The following NFKBID variants were observed in gnomAD, a reference collection of about 807,000 sequenced individuals.
NFKBID encodes the protein NFKB inhibitor delta, also known as NF-kappa-B inhibitor delta.
In NFKBID, 26 loss-of-function variants were observed where a neutral mutation model predicts 53.4. That is an observed-to-expected ratio of 0.49 (90% CI 0.36 to 0.68). The LOEUF is 0.68. NFKBID is among the 30% of genes least tolerant of loss of function. The pLI, the probability that NFKBID is intolerant of heterozygous loss-of-function variation, is 0.00. For missense variants in NFKBID, 493 were observed against 614.1 expected (o/e 0.80, Z 2.08); for synonymous variants, 262 against 259.8 (o/e 1.01, Z -0.08).
At chr19:35,890,135 G>T in intron 10 of NFKBID, 81 bp from the exon 11 acceptor site, 3 of 1,389,360 alleles carry the variant, frequency 2.2e-6, no homozygotes, top group Non-Finnish European at 2.9e-6. Flanking sequence ...TTTCTGCCTT[G>T]TCTACGTCCT....
At chr19:35,901,749 T>G, upstream of NFKBID, 1 of 169,284 alleles carries the variant, frequency 5.9e-6, no homozygotes, top group South Asian at 1.2e-4. Flanking sequence ...TTTTTGTATT[T>G]TTGTAGAGAC....
At chr19:35,900,822 CT>C (rs1975527947), upstream of NFKBID, among the ~76,000 whole-genome samples, 8 of 121,920 alleles carry the variant, frequency 6.6e-5, no homozygotes, top group African/African-American at 2.4e-4. Flanking sequence ...TCTTTTTTTT[CT>C]TTTCTTTTTT....
exon 12 of NFKBID, chr19:35,888,363 G>A (rs562876854): frequency 3.5e-6 from 2 of 568,894 alleles, no homozygotes; most frequent in South Asian, 2.1e-5. Flanking sequence ...GCTCCTTGTG[G>A]GTAGAAGAGG....
intron 9 of NFKBID, among the ~76,000 whole-genome samples, chr19:35,894,180 A>G (rs946804518): frequency 6.6e-6 from 1 of 151,178 alleles, no homozygotes; most frequent in South Asian, 2.1e-4. Flanking sequence ...CATGGCTTGA[A>G]CCCGGGAGGC....
exon 2 of NFKBID, chr19:35,898,805 T>C: frequency 6.5e-7 from 1 of 1,536,022 alleles, no homozygotes; most frequent in East Asian, 2.4e-5. Flanking sequence ...GGGCAGTGGC[T>C]GCGCTCACCC....
In NFKBID at chr19:35,900,546, TG is replaced by T; in HGVS notation, c.-45del. The T allele has an allele frequency of 8.1e-7, 1 of 1,231,644 alleles. No homozygotes were observed. The highest frequency in any genetic ancestry group is 1.0e-6 in the Non-Finnish European group (1 of 987,630). 76.3% of individuals were successfully genotyped at this position (1,231,644 alleles called of 1,614,324 possible). On this transcript the variant is annotated 5_prime_UTR_variant, in exon 1 of 12. Transcript: ENST00000641389. ...GGAGCCGCCGCCGGGTCCCCGATCT[TG>T]GGTCCGGTACCCGCGAGTTTTTAAA...
Position 35,889,922 on chromosome 19 carries a change from G to T in NFKBID, c.1282C>A (p.His428Asn). The T allele has an allele frequency of 6.2e-7, 1 of 1,611,472 alleles. No homozygotes were observed. The highest frequency in any genetic ancestry group is 1.3e-5 in the African/African-American group (1 of 74,994). ...GGGCCCGGCCCGGGCCGCAGCAGGT[G>T]AACGGGCTGCTCATTCTCCAGGTTG... The change falls in exon 11 of 12, where the codon CAC becomes AAC. Residue 428 changes from histidine (H) to asparagine (N), a missense_variant. His to Asn is a moderately conservative substitution (Grantham distance 68). Coordinates refer to ENST00000641389, the Ensembl canonical transcript of NFKBID.
intron 11 of NFKBID, among the ~76,000 whole-genome samples, 171 bp downstream of exon 11, chr19:35,889,719 G>A (rs1043236123): frequency 3.3e-5 from 5 of 152,162 alleles, no homozygotes; most frequent in African/African-American, 1.2e-4. Flanking sequence ...GGTAAAGGAT[G>A]AAACACTGAG....
At chr19:35,898,376 G>C (rs1468440616) in intron 3 of NFKBID, 96 bp downstream of exon 3, 3 of 756,148 alleles carry the variant, frequency 4.0e-6, no homozygotes, top group African/African-American at 1.8e-5. Flanking sequence ...GGAAGAATGA[G>C]GGCCTGACTC....
exon 12 of NFKBID, chr19:35,888,502 G>A: frequency 8.0e-7 from 1 of 1,245,908 alleles, no homozygotes; most frequent in Non-Finnish European, 1.2e-6. Flanking sequence ...AGCATACGCT[G>A]GCTGTCCCGC....
At chr19:35,899,749 AT>A (rs1657487289) in intron 1 of NFKBID, 1 of 139,450 alleles carries the variant, frequency 7.2e-6, no homozygotes, top group South Asian at 2.6e-4. Context: ...TTAAGTGGGG[AT>A]TGCGCGGGGC....
chr19:35,894,449 G>A (rs1019226933), intron 9 of NFKBID, among the ~76,000 whole-genome samples: 4 of 152,058 alleles, frequency 2.6e-5, no homozygotes, highest in Non-Finnish European at 4.4e-5. Flanking sequence ...GCTCACAACT[G>A]TAATCCCAGC....
chr19:35,897,835 T>C, exon 4 of NFKBID: 1 of 1,559,584 alleles, frequency 6.4e-7, no homozygotes, highest in Non-Finnish European at 8.6e-7. Context: ...AGTCTCCGAG[T>C]GTGCTGGGAA....
At chr19:35,892,557 A>T (rs1974848099) in intron 9 of NFKBID, among the ~76,000 whole-genome samples, 1 of 151,762 alleles carries the variant, frequency 6.6e-6, no homozygotes, top group African/African-American at 2.4e-5. Flanking sequence ...AAAAAAAAAA[A>T]AATTATTTGT....
upstream of NFKBID, chr19:35,902,080 CT>C (rs1249015882): frequency 2.9e-6 from 2 of 680,246 alleles, no homozygotes; most frequent in African/African-American, 1.8e-5. Context: ...GCCTTATCCC[CT>C]GAACTCCTAA....
chr19:35,890,585 G>A (rs750814422), intron 9 of NFKBID, 95 bp from the exon 10 acceptor site: 14 of 854,656 alleles, frequency 1.6e-5, no homozygotes, highest in East Asian at 9.7e-5. Flanking sequence ...GACCCTTGGC[G>A]GAGTGCGGTG....
At position 35,898,452 on chromosome 19, in the gene NFKBID, C is replaced by T. The variant is rs772072772; in HGVS notation, c.226+20G>A. On this transcript the variant is annotated intron_variant, in intron 3 of 11. Coordinates refer to ENST00000641389, the Ensembl canonical transcript of NFKBID. ...CCTTAGGGAAGGGGGATGGGGAGGC[C>T]GGGAGCTGAGAGAACTTACCAGTCA... 1.2e-5 allele frequency: 18 copies of T among 1,512,108 alleles called. No individual in the cohort carries two copies. The highest frequency in any genetic ancestry group is 2.5e-5 in the East Asian group (1 of 40,802). 93.7% of individuals were successfully genotyped at this position (1,512,108 alleles called of 1,614,324 possible).
In NFKBID at chr19:35,889,762, T is replaced by A. The variant is rs1001278092; in HGVS notation, c.1314+128A>T. 11 of 975,768 alleles carry A rather than the reference T, an allele frequency of 1.1e-5. 1 individual carries two copies. The East Asian group carries it at 2.4e-4, about 22-fold the overall frequency. The allele number at this position is 975,768 out of a possible 1,614,324, so 60.4% of individuals were successfully genotyped here. A position where few individuals can be genotyped will look rare whatever the true frequency, so the allele number is the denominator to read the frequency against. On this transcript the variant is annotated intron_variant, in intron 11 of 11. Coordinates refer to ENST00000641389, the Ensembl canonical transcript of NFKBID. Reference sequence around the variant, plus strand: ...GTCACATTATAGAGTCAGGGTTGCCTGAGGGCTGAAGTCACCTTCCGAGAT... The same window carrying A: ...GTCACATTATAGAGTCAGGGTTGCCAGAGGGCTGAAGTCACCTTCCGAGAT...
rs11880514 is a variant in NFKBID at position 35,896,886 on chromosome 19, G to A, written c.578+27C>T. On this transcript the variant is annotated intron_variant, in intron 5 of 11. Coordinates refer to ENST00000641389, the Ensembl canonical transcript of NFKBID. This position sits in a 1 kb window ranked among gnomAD's most constrained non-coding sequence, Gnocchi z 5.7. ...ACAGCCCCCACCAAGCCAAGAGTCT[G>A]CAGACAACCCTATCCCTTATACTCA... is the stretch of plus-strand genomic sequence containing the variant. 2,988 of 1,613,718 alleles carry A rather than the reference G, an allele frequency of 1.9e-3. 46 individuals carry two copies. The African/African-American group carries it at 0.034, about 18-fold the overall frequency.
Sources: gnomAD v4.1 joint callset for allele counts (sites outside exome capture counted in the v4.1 genomes callset) on GRCh38, gnomAD v4.1.1 for gene constraint, Gnocchi (gnomAD v3.1) non-coding constraint, MANE v1.5 for transcripts, NCBI Gene and HGNC (gene_info 2026-07-23, HGNC 2026-07-21) for gene names.